TRPC7: variants seen among roughly 807,000 people sequenced by gnomAD.
TRPC7 encodes the protein short transient receptor potential channel 7.
In TRPC7, 42 loss-of-function variants were observed where a neutral mutation model predicts 90.1. The observed-to-expected ratio is 0.47, with a 90% CI of 0.36 to 0.60. The LOEUF (loss-of-function observed/expected upper bound fraction) is 0.60. TRPC7 is among the 20% of genes least tolerant of loss of function. TRPC7 has a pLI of 0.00. For missense variants in TRPC7, 955 were observed against 1,112.3 expected, an observed-to-expected ratio of 0.86 and a Z score of 2.01; for synonymous variants, 451 against 436.3, an observed-to-expected ratio of 1.03 and a Z score of -0.42.
intron 2 of TRPC7, among the ~76,000 whole-genome samples, chr5:136,332,102 A>AT (rs1265226147): frequency 6.6e-6 from 1 of 152,096 alleles, no homozygotes. Flanking sequence ...TGATGAGGTG[A>AT]TTTTGAATAG....
intron 2 of TRPC7, among the ~76,000 whole-genome samples, chr5:136,348,991 T>C (rs946686772): frequency 6.6e-6 from 1 of 152,242 alleles, no homozygotes; most frequent in Non-Finnish European, 1.5e-5. Flanking sequence ...TCCATATCTC[T>C]GATATTTCAG....
chr5:136,257,390 C>T (rs1211735997), intron 5 of TRPC7, among the ~76,000 whole-genome samples: 1 of 152,030 alleles, frequency 6.6e-6, no homozygotes, highest in Non-Finnish European at 1.5e-5. Flanking sequence ...ACCATATTGG[C>T]CAGGCTGGTC....
intron 4 of TRPC7, among the ~76,000 whole-genome samples, chr5:136,273,847 G>A (rs1426631032): frequency 6.6e-6 from 1 of 152,120 alleles, no homozygotes; most frequent in African/African-American, 2.4e-5. Context: ...TTTCTGCATG[G>A]TTTGGTCTTA....
chr5:136,310,842 T>C (rs1422598462), intron 3 of TRPC7, among the ~76,000 whole-genome samples: 1 of 152,114 alleles, frequency 6.6e-6, no homozygotes, highest in Admixed American at 6.5e-5. Flanking sequence ...CTGTGTTTTA[T>C]TCTGCTTGGG....
chr5:136,219,157 A>G (rs182623409), intron 10 of TRPC7, among the ~76,000 whole-genome samples: 1 of 152,316 alleles, frequency 6.6e-6, no homozygotes. Flanking sequence ...GTGACATCAT[A>G]CAATGGTCAT....
intron 2 of TRPC7, 54 bp from the exon 3 acceptor site, chr5:136,315,833 C>T: frequency 1.3e-6 from 2 of 1,564,104 alleles, no homozygotes; most frequent in South Asian, 1.2e-5. Flanking sequence ...CGCAGATTGG[C>T]TTGCCCAGCA....
chr5:136,246,917 G>GT (rs1756359240), intron 7 of TRPC7, among the ~76,000 whole-genome samples: 1 of 152,198 alleles, frequency 6.6e-6, no homozygotes, highest in Admixed American at 6.5e-5. Context: ...TATCAGAGAT[G>GT]TTAACCCATT....
intron 7 of TRPC7, among the ~76,000 whole-genome samples, chr5:136,243,381 C>G (rs1328156202): frequency 6.6e-6 from 1 of 152,046 alleles, no homozygotes; most frequent in South Asian, 2.1e-4. Flanking sequence ...GTGCTCCAAC[C>G]CAAATTTCCC....
intron 3 of TRPC7, among the ~76,000 whole-genome samples, chr5:136,281,381 C>A (rs1481859329): frequency 6.6e-6 from 1 of 152,190 alleles, no homozygotes; most frequent in African/African-American, 2.4e-5. Context: ...GGAGGCCACC[C>A]AAACTCAGAC....
intron 2 of TRPC7, among the ~76,000 whole-genome samples, chr5:136,320,656 G>A (rs942609766): frequency 6.6e-6 from 1 of 151,986 alleles, no homozygotes; most frequent in South Asian, 2.1e-4. Flanking sequence ...TTTCTCCCTG[G>A]TTTTATTTAC....
At chr5:136,255,370 A>C (rs1250135548) in intron 5 of TRPC7, among the ~76,000 whole-genome samples, 2 of 152,242 alleles carry the variant, frequency 1.3e-5, no homozygotes, top group Non-Finnish European at 2.9e-5. Context: ...CATTCTGATC[A>C]GTCAGTGGCC....
At chr5:136,286,651 A>T (rs1247048684) in intron 3 of TRPC7, among the ~76,000 whole-genome samples, 3 of 151,842 alleles carry the variant, frequency 2.0e-5, no homozygotes, top group Admixed American at 1.3e-4. Context: ...TGATTTCCTG[A>T]CCTACAGAAT....
intron 7 of TRPC7, among the ~76,000 whole-genome samples, chr5:136,234,246 C>T (rs918763704): frequency 6.6e-6 from 1 of 152,164 alleles, no homozygotes; most frequent in African/African-American, 2.4e-5. Context: ...CACACCTCCA[C>T]AGCAAAAACC....
intron 2 of TRPC7, among the ~76,000 whole-genome samples, chr5:136,341,800 A>G (rs1333278535): frequency 6.6e-6 from 1 of 152,194 alleles, no homozygotes; most frequent in Non-Finnish European, 1.5e-5. Flanking sequence ...TGAATTTTTC[A>G]ACCAGTTACA....
chr5:136,335,903 C>CAAAA (rs869287763), intron 2 of TRPC7, among the ~76,000 whole-genome samples: 1 of 38,678 alleles, frequency 2.6e-5, no homozygotes, highest in African/African-American at 1.1e-4. Flanking sequence ...GACTCCGTCT[C>CAAAA]AAAAAAAAAA....
chr5:136,218,982 G>A lies in TRPC7; in HGVS notation c.2344-2707C>T, dbSNP rs894340376. 2.0e-5 allele frequency among the ~76,000 whole-genome samples: 3 copies of A among 152,304 alleles called. No individual in the cohort carries two copies. The South Asian group carries it at 6.2e-4, about 32-fold the overall frequency. On this transcript the variant is annotated intron_variant, in intron 10 of 11. Transcript: ENST00000513104. ...GCAGATCTGAGATTTAACCAGCATG[G>A]AAATCATGGCTGAGACTTCATCTGA...
chr5:136,322,741 C>G (rs1445786635), intron 2 of TRPC7, among the ~76,000 whole-genome samples: 1 of 152,122 alleles, frequency 6.6e-6, no homozygotes, highest in African/African-American at 2.4e-5. Flanking sequence ...TAATAATGCT[C>G]CACATCTTTT....
chr5:136,312,897 A>G (rs1200301588), intron 3 of TRPC7, among the ~76,000 whole-genome samples: 1 of 152,062 alleles, frequency 6.6e-6, no homozygotes, highest in Non-Finnish European at 1.5e-5. Context: ...ATACATGAAA[A>G]ACTAGTTTCA....
chr5:136,351,447 G>A (rs1281341656), intron 2 of TRPC7, among the ~76,000 whole-genome samples: 1 of 152,214 alleles, frequency 6.6e-6, no homozygotes, highest in Non-Finnish European at 1.5e-5. Flanking sequence ...TTTTCCCAGG[G>A]TGTTGGACTA....
Sources: allele counts gnomAD v4.1 joint callset (sites outside exome capture counted in the v4.1 genomes callset), GRCh38; gene constraint gnomAD v4.1.1; transcripts MANE v1.5; gene names NCBI Gene and HGNC (gene_info 2026-07-23, HGNC 2026-07-21).